Variants in SCP2 observed in about 807,000 individuals in gnomAD.
SCP2 encodes the protein sterol carrier protein 2.
In SCP2, 48 loss-of-function variants were observed where a neutral mutation model predicts 71.4. The ratio of observed to expected loss-of-function variants is 0.67; its 90% CI spans 0.53 to 0.86. The LOEUF (loss-of-function observed/expected upper bound fraction) is 0.86. Ranked by LOEUF, SCP2 falls within the 40% of genes least tolerant of loss-of-function variation. SCP2 has a pLI of 0.00. For synonymous variants in SCP2, 220 were observed against 218.1 expected, an observed-to-expected ratio of 1.01 and a Z score of -0.08; for missense variants, 560 against 655.6, an observed-to-expected ratio of 0.85 and a Z score of 1.59.
chr1:52,934,358 G>A (rs1653459872), intron 1 of SCP2, among the ~76,000 whole-genome samples: 1 of 151,590 alleles, frequency 6.6e-6, no homozygotes, highest in Non-Finnish European at 1.5e-5. Flanking sequence ...TATTAACAAA[G>A]GTGAGTTTTT....
chr1:52,960,568 A>ATATATATGTAGATATGTATGTATATG (rs1553145948), intron 5 of SCP2, among the ~76,000 whole-genome samples: 3,782 of 145,906 alleles, frequency 0.026, 129 homozygotes, highest in East Asian at 0.17. Context: ...ATATGTATGT[A>ATATATATGTAGATATGTATGTATATG]TATATATGTA....
chr1:53,011,297 A>T (rs887427544), intron 11 of SCP2, among the ~76,000 whole-genome samples: 15 of 152,324 alleles, frequency 9.8e-5, no homozygotes, highest in Admixed American at 2.0e-4. Flanking sequence ...AAGGAGAAGG[A>T]GGAAAAGACC....
chr1:53,044,893 T>C (rs1203983803), intron 14 of SCP2, among the ~76,000 whole-genome samples: 1 of 152,228 alleles, frequency 6.6e-6, no homozygotes, highest in Admixed American at 6.5e-5. Context: ...ATAAAATTAA[T>C]ATTTTAAAAG....
intron 13 of SCP2, among the ~76,000 whole-genome samples, chr1:53,036,272 CAT>C (rs1018025157): frequency 2.7e-5 from 4 of 148,998 alleles, no homozygotes; most frequent in Admixed American, 1.3e-4. Flanking sequence ...TTATATATAA[CAT>C]ATATATACTA....
intron 11 of SCP2, among the ~76,000 whole-genome samples, chr1:52,988,461 A>G (rs1659185848): frequency 6.6e-6 from 1 of 152,196 alleles, no homozygotes; most frequent in Non-Finnish European, 1.5e-5. Flanking sequence ...TTGCATGGAA[A>G]TTATTTTCTC....
At chr1:52,995,573 C>A in intron 11 of SCP2, 1 of 482,576 alleles carries the variant, frequency 2.1e-6, no homozygotes, top group Middle Eastern at 4.6e-4. Context: ...TCACAGTGCC[C>A]AAACTCATCA....
At chr1:53,001,140 G>A (rs2150209332) in intron 11 of SCP2, among the ~76,000 whole-genome samples, 1 of 152,080 alleles carries the variant, frequency 6.6e-6, no homozygotes, top group South Asian at 2.1e-4. Context: ...GATATACAAG[G>A]TAACTACTAG....
intron 13 of SCP2, among the ~76,000 whole-genome samples, chr1:53,034,029 C>T (rs983229141): frequency 2.6e-5 from 4 of 151,976 alleles, no homozygotes; most frequent in African/African-American, 9.7e-5. Context: ...TTTGGGAGGC[C>T]GAGGTGGGTG....
intron 3 of SCP2, among the ~76,000 whole-genome samples, chr1:52,948,879 G>C (rs1033702600): frequency 1.3e-5 from 2 of 151,604 alleles, no homozygotes; most frequent in Admixed American, 6.6e-5. Flanking sequence ...CACAGAACTC[G>C]TTCATCTTAT....
intron 9 of SCP2, 31 bp from the exon 10 acceptor site, chr1:52,980,365 G>A (rs1384368182): frequency 6.2e-7 from 1 of 1,605,694 alleles, no homozygotes; most frequent in Non-Finnish European, 8.5e-7. Context: ...CAGTTTTGGT[G>A]CCCTTTATTT....
intron 12 of SCP2, among the ~76,000 whole-genome samples, chr1:53,018,907 A>T (rs909487841): frequency 6.6e-6 from 1 of 152,138 alleles, no homozygotes; most frequent in Non-Finnish European, 1.5e-5. Context: ...TTTAGCTGTC[A>T]TGTCTCTTTA....
chr1:52,948,583 C>G (rs371077814), intron 3 of SCP2, among the ~76,000 whole-genome samples: 29 of 148,822 alleles, frequency 1.9e-4, no homozygotes, highest in African/African-American at 7.3e-4. Flanking sequence ...CGAGATTGTG[C>G]CACTGCACTC....
chr1:52,928,123 C>T (rs1173669061), intron 1 of SCP2, among the ~76,000 whole-genome samples: 1 of 152,232 alleles, frequency 6.6e-6, no homozygotes, highest in South Asian at 2.1e-4. Flanking sequence ...TGAAAGGATC[C>T]GTTCAGATCG....
intron 11 of SCP2, among the ~76,000 whole-genome samples, chr1:53,005,086 G>A (rs919459183): frequency 1.3e-5 from 2 of 152,190 alleles, no homozygotes; most frequent in African/African-American, 4.8e-5. Flanking sequence ...AGGGGCATCC[G>A]CCTTTGCTGA....
intron 11 of SCP2, among the ~76,000 whole-genome samples, chr1:52,999,815 G>GTT (rs60893788): frequency 3.9e-4 from 43 of 109,364 alleles, no homozygotes; most frequent in Non-Finnish European, 5.1e-4. Flanking sequence ...CTGAACACTT[G>GTT]TTTTTTTTTT....
intron 6 of SCP2, among the ~76,000 whole-genome samples, chr1:52,966,887 C>A (rs376955585): frequency 6.7e-6 from 1 of 149,012 alleles, no homozygotes; most frequent in South Asian, 2.1e-4. Flanking sequence ...GACAAGACTC[C>A]GTCTTAAAAA....
intron 1 of SCP2, among the ~76,000 whole-genome samples, chr1:52,930,518 C>T (rs183563676): frequency 3.3e-5 from 5 of 152,048 alleles, no homozygotes; most frequent in Admixed American, 1.3e-4. Context: ...CCCAACCACT[C>T]GGGAGGCTTA....
At chr1:53,005,641 A>G (rs1444434556) in intron 11 of SCP2, among the ~76,000 whole-genome samples, 2 of 152,196 alleles carry the variant, frequency 1.3e-5, no homozygotes, top group African/African-American at 4.8e-5. Flanking sequence ...ATCAAAGACC[A>G]AAGGTAGATA....
Position 53,046,038 on chromosome 1 carries a change from T to A in SCP2, c.1469-1820T>A, listed in dbSNP as rs141044615. 3.5e-4 allele frequency among the ~76,000 whole-genome samples: 53 copies of A among 152,364 alleles called. No homozygotes were observed. In the East Asian group the frequency reaches 7.3e-3, roughly 21 times the overall value. On this transcript the variant is annotated intron_variant, in intron 14 of 15. Coordinates refer to ENST00000371514, the MANE Select transcript of SCP2 (RefSeq NM_002979.5). The stretch of plus-strand genomic sequence containing the variant: ...TATTTTATTCTTTTTTGCTGCTGAA[T>A]GGTTACCCCTTCACCAGTTGATGCA...
Sources: allele counts gnomAD v4.1 joint callset (sites outside exome capture counted in the v4.1 genomes callset), GRCh38; gene constraint gnomAD v4.1.1; transcripts MANE v1.5; gene names NCBI Gene and HGNC (gene_info 2026-07-23, HGNC 2026-07-21).